SSBP3: variants seen among roughly 807,000 people sequenced by gnomAD.
SSBP3 encodes single stranded DNA binding protein 3.
Under a neutral mutation model 69.6 loss-of-function variants are expected in SSBP3, and 5 were observed. That is an observed-to-expected ratio of 0.07 (90% CI 0.04 to 0.15). SSBP3 has a LOEUF of 0.15. SSBP3 is among the 10% of genes least tolerant of loss of function. SSBP3 has a pLI of 1.00. For synonymous variants in SSBP3, 196 were observed against 193.4 expected (o/e 1.01, Z -0.11); for missense variants, 312 against 534.0 (o/e 0.58, Z 4.10).
intron 14 of SSBP3, chr1:54,237,558 C>T (rs1644520372): frequency 6.5e-6 from 1 of 153,716 alleles, no homozygotes; most frequent in African/African-American, 2.4e-5. Flanking sequence ...CCGCGCAGTA[C>T]ATTCTGTTTG....
chr1:54,242,138 C>A (rs767114657), intron 11 of SSBP3, 26 bp downstream of exon 11: 32 of 1,611,810 alleles, frequency 2.0e-5, no homozygotes, highest in Non-Finnish European at 2.5e-5. Context: ...CTGACAAACA[C>A]CACCCCACCC....
intron 4 of SSBP3, among the ~76,000 whole-genome samples, chr1:54,399,057 C>T (rs922488486): frequency 4.2e-4 from 64 of 152,212 alleles, no homozygotes; most frequent in African/African-American, 1.5e-3. Flanking sequence ...TAAAAGAACA[C>T]CATTCAAGAC....
At chr1:54,355,641 C>G (rs761676330) in intron 4 of SSBP3, among the ~76,000 whole-genome samples, 32 of 152,128 alleles carry the variant, frequency 2.1e-4, no homozygotes, top group Non-Finnish European at 3.4e-4. Context: ...TGAGCCACCG[C>G]GTCCAGCCTC....
intron 4 of SSBP3, among the ~76,000 whole-genome samples, chr1:54,350,596 G>C (rs1212421621): frequency 1.3e-5 from 2 of 152,336 alleles, no homozygotes; most frequent in Middle Eastern, 6.8e-3. Flanking sequence ...GAGCTCAGCA[G>C]CAAGTAATTT....
Position 54,404,640 on chromosome 1 carries a change from G to A in SSBP3, c.130-3C>T, listed in dbSNP as rs551294641. On this transcript the variant is annotated splice_polypyrimidine_tract_variant and splice_region_variant and intron_variant, in intron 2 of 17. Coordinates refer to ENST00000610401, the Ensembl canonical transcript of SSBP3. ...GTGATGTTTTTTTCCCATCGAATCT[G>A]GAAAGGTAAGAGCAGAAGCAGCTTA... 41 of 1,613,922 alleles carry A rather than the reference G, an allele frequency of 2.5e-5. No individual in the cohort carries two copies. In the African/African-American group the frequency reaches 4.7e-4, roughly 18 times the overall value.
intron 5 of SSBP3, among the ~76,000 whole-genome samples, chr1:54,259,673 G>A (rs545336345): frequency 1.3e-5 from 2 of 152,322 alleles, no homozygotes; most frequent in African/African-American, 4.8e-5. Flanking sequence ...GCTGCCAGCC[G>A]CCTGCCCACT....
chr1:54,285,186 T>A (rs926113382), intron 4 of SSBP3, among the ~76,000 whole-genome samples: 1 of 152,092 alleles, frequency 6.6e-6, no homozygotes, highest in Admixed American at 6.5e-5. Flanking sequence ...GAAGCAAACA[T>A]GTGCTCATAA....
intron 4 of SSBP3, among the ~76,000 whole-genome samples, chr1:54,319,627 G>A (rs1359989167): frequency 6.6e-6 from 1 of 151,960 alleles, no homozygotes; most frequent in Non-Finnish European, 1.5e-5. Context: ...GCTCCTGCTT[G>A]TACCACACAG....
At chr1:54,403,270 G>A (rs961329628) in intron 3 of SSBP3, among the ~76,000 whole-genome samples, 1 of 152,170 alleles carries the variant, frequency 6.6e-6, no homozygotes, top group East Asian at 1.9e-4. Context: ...TAGCTGCAGA[G>A]GGGGGCTGGA....
chr1:54,381,659 C>T (rs1040203637), intron 4 of SSBP3, among the ~76,000 whole-genome samples: 1 of 152,202 alleles, frequency 6.6e-6, no homozygotes, highest in African/African-American at 2.4e-5. Flanking sequence ...TCCACACCCA[C>T]CCACGCTGGG....
At chr1:54,333,498 C>T (rs916152632) in intron 4 of SSBP3, among the ~76,000 whole-genome samples, 6 of 152,218 alleles carry the variant, frequency 3.9e-5, no homozygotes, top group African/African-American at 1.4e-4. Context: ...ACAGGCCAGG[C>T]ATGGTGGCCC....
intron 4 of SSBP3, among the ~76,000 whole-genome samples, chr1:54,301,866 C>T (rs1336861195): frequency 6.6e-6 from 1 of 152,242 alleles, no homozygotes. Flanking sequence ...CACCCACAGG[C>T]TCTGCCTTCA....
intron 8 of SSBP3, 24 bp from the exon 9 acceptor site, chr1:54,251,716 A>G (rs1233095997): frequency 5.1e-6 from 8 of 1,578,358 alleles, no homozygotes; most frequent in Non-Finnish European, 6.9e-6. Flanking sequence ...GAGGCGCGTC[A>G]TGGGATGGCA....
intron 4 of SSBP3, among the ~76,000 whole-genome samples, chr1:54,283,175 G>A (rs1645427110): frequency 6.6e-6 from 1 of 151,882 alleles, no homozygotes; most frequent in South Asian, 2.1e-4. Flanking sequence ...GCTGAGGCAG[G>A]AGAATTCACT....
intron 4 of SSBP3, among the ~76,000 whole-genome samples, chr1:54,299,872 G>C (rs926204808): frequency 2.0e-5 from 3 of 152,040 alleles, no homozygotes; most frequent in African/African-American, 7.2e-5. Flanking sequence ...GCTCAGCCGA[G>C]GCCTTCAGGA....
At chr1:54,391,519 T>C (rs1648493976) in intron 4 of SSBP3, among the ~76,000 whole-genome samples, 1 of 152,180 alleles carries the variant, frequency 6.6e-6, no homozygotes, top group Non-Finnish European at 1.5e-5. Flanking sequence ...TATCCCAGAA[T>C]GTGGGAGAGG....
In SSBP3 at chr1:54,364,851, G is replaced by A. The variant is rs1245337618; in HGVS notation, c.276+37010C>T. Among the ~76,000 whole-genome samples the A allele has an allele frequency of 3.3e-5, 5 of 152,260 alleles. No homozygotes were observed. In the South Asian group the frequency reaches 8.3e-4, roughly 25 times the overall value. ...CCTTTCTCTCCCCATTACCTGCAAC[G>A]TCAGCTTTTCTGCTTCTCACACAAC... On this transcript the variant is annotated intron_variant, in intron 4 of 17. Transcript: ENST00000610401.
At chr1:54,332,679 G>C (rs1039373676) in intron 4 of SSBP3, among the ~76,000 whole-genome samples, 2 of 152,094 alleles carry the variant, frequency 1.3e-5, no homozygotes, top group African/African-American at 2.4e-5. Context: ...CTTGACAAGA[G>C]CTCCAAAAAG....
chr1:54,344,460 T>C (rs1481883814), intron 4 of SSBP3, among the ~76,000 whole-genome samples: 2 of 152,132 alleles, frequency 1.3e-5, no homozygotes, highest in South Asian at 2.1e-4. Context: ...AAGGTATCAT[T>C]TTGGGAATAG....
Sources: allele counts gnomAD v4.1 joint callset (sites outside exome capture counted in the v4.1 genomes callset), GRCh38; gene constraint gnomAD v4.1.1; transcripts MANE v1.5; gene names NCBI Gene and HGNC (gene_info 2026-07-23, HGNC 2026-07-21).